PLPPR1: variants seen among roughly 807,000 people sequenced by gnomAD.
PLPPR1 encodes the protein phospholipid phosphatase-related protein type 1.
PLPPR1 carries 10 observed loss-of-function variants against 33.1 expected under a neutral mutation model. The observed-to-expected ratio is 0.30, with a 90% CI of 0.19 to 0.51. PLPPR1 has a LOEUF of 0.51. PLPPR1 is among the 20% of genes least tolerant of loss of function. The pLI is 0.97. For missense variants in PLPPR1, 304 were observed against 408.1 expected (o/e 0.74, Z 2.20); for synonymous variants, 151 against 151.0 (o/e 1.00, Z 0.00).
At chr9:101,258,637 C>T (rs1266391793) in intron 2 of PLPPR1, among the ~76,000 whole-genome samples, 2 of 152,128 alleles carry the variant, frequency 1.3e-5, no homozygotes, top group Non-Finnish European at 1.5e-5. Context: ...CATCCATGAC[C>T]TTCTATTCAC....
intron 2 of PLPPR1, among the ~76,000 whole-genome samples, chr9:101,258,542 T>A (rs779636428): frequency 2.6e-5 from 4 of 152,132 alleles, no homozygotes; most frequent in Non-Finnish European, 5.9e-5. Context: ...ACTATAAAAT[T>A]TTAGACCATA....
chr9:101,151,686 C>T (rs905393229), intron 1 of PLPPR1, among the ~76,000 whole-genome samples: 8 of 152,140 alleles, frequency 5.3e-5, no homozygotes, highest in East Asian at 1.9e-4. Flanking sequence ...GTAGCACTTG[C>T]GCTGCCACTT....
chr9:101,147,042 G>C (rs79246277), intron 1 of PLPPR1, among the ~76,000 whole-genome samples: 3 of 152,096 alleles, frequency 2.0e-5, no homozygotes, highest in Admixed American at 1.3e-4. Context: ...ACCTGATAAC[G>C]TTAAAACTAA....
chr9:101,069,424 G>A (rs1275759100), intron 1 of PLPPR1, among the ~76,000 whole-genome samples: 1 of 152,020 alleles, frequency 6.6e-6, no homozygotes, highest in Non-Finnish European at 1.5e-5. Flanking sequence ...TGTCTACAAT[G>A]GTAACGTTGT....
intron 3 of PLPPR1, among the ~76,000 whole-genome samples, chr9:101,273,995 G>A (rs1828143806): frequency 6.6e-6 from 1 of 152,120 alleles, no homozygotes. Flanking sequence ...TCTTCTCCAG[G>A]CTACAGCTTT....
intron 7 of PLPPR1, among the ~76,000 whole-genome samples, chr9:101,320,343 T>C (rs539537193): frequency 1.8e-4 from 28 of 152,320 alleles, no homozygotes; most frequent in African/African-American, 6.7e-4. Flanking sequence ...CTCCAAAGAC[T>C]TGGGACTTTT....
At chr9:101,150,984 T>TC (rs1831577819) in intron 1 of PLPPR1, among the ~76,000 whole-genome samples, 1 of 152,154 alleles carries the variant, frequency 6.6e-6, no homozygotes, top group East Asian at 1.9e-4. Context: ...TCTGCTGTAG[T>TC]TTATACTTGG....
chr9:101,291,489 A>G (rs1351174621), intron 4 of PLPPR1, among the ~76,000 whole-genome samples: 2 of 152,218 alleles, frequency 1.3e-5, no homozygotes, highest in Non-Finnish European at 2.9e-5. Flanking sequence ...CTGCCTCCTC[A>G]AGTGGGTCCC....
intron 1 of PLPPR1, among the ~76,000 whole-genome samples, chr9:101,180,555 A>G (rs1025210184): frequency 5.9e-5 from 9 of 151,900 alleles, no homozygotes; most frequent in African/African-American, 2.2e-4. Context: ...GACCAATAGA[A>G]CAGTATAGAC....
rs1477884700 is a variant in PLPPR1 at position 101,246,079 on chromosome 9, T to TAG, written c.64-23800_64-23799insGA. Among the ~76,000 whole-genome samples the TAG allele has an allele frequency of 4.6e-3, 481 of 103,468 alleles. 10 individuals carry two copies. The highest frequency in any genetic ancestry group is 0.013 in the African/African-American group (375 of 28,280). 67.9% of individuals were successfully genotyped at this position (103,468 alleles called of 152,430 possible). A position where few individuals can be genotyped will look rare whatever the true frequency, so the allele number is the denominator to read the frequency against. On this transcript the variant is annotated intron_variant, in intron 2 of 7. Coordinates refer to ENST00000374874, the MANE Select transcript of PLPPR1 (RefSeq NM_207299.2). ...GAATATATATATATATATATATATA[T>TAG]ATATATATATATATATATATATATA...
At chr9:101,089,096 T>G (rs1830712855) in intron 1 of PLPPR1, among the ~76,000 whole-genome samples, 1 of 152,176 alleles carries the variant, frequency 6.6e-6, no homozygotes, top group African/African-American at 2.4e-5. Context: ...TGGCGTATAA[T>G]AGTGGGTAAC....
chr9:101,165,134 A>G (rs764371253), intron 1 of PLPPR1, among the ~76,000 whole-genome samples: 4 of 152,180 alleles, frequency 2.6e-5, no homozygotes, highest in Non-Finnish European at 5.9e-5. Context: ...ATCAGGATTG[A>G]AAGATAACAC....
At chr9:101,302,757 ACAGAGGC>A (rs932696227) in intron 4 of PLPPR1, among the ~76,000 whole-genome samples, 4 of 152,134 alleles carry the variant, frequency 2.6e-5, no homozygotes, top group African/African-American at 9.7e-5. Context: ...TTCTACCAAA[ACAGAGGC>A]CAGAAGCTAA....
chr9:101,260,903 T>C (rs1318040713), intron 2 of PLPPR1, among the ~76,000 whole-genome samples: 2 of 152,140 alleles, frequency 1.3e-5, no homozygotes, highest in African/African-American at 4.8e-5. Context: ...AGCAACAATG[T>C]TTTCAGATAG....
At chr9:101,138,829 C>T (rs1474781407) in intron 1 of PLPPR1, among the ~76,000 whole-genome samples, 1 of 152,172 alleles carries the variant, frequency 6.6e-6, no homozygotes, top group Non-Finnish European at 1.5e-5. Context: ...AGTGGCAGAA[C>T]TAGGATTTGA....
chr9:101,111,255 C>T (rs1476381260), intron 1 of PLPPR1, among the ~76,000 whole-genome samples: 1 of 152,030 alleles, frequency 6.6e-6, no homozygotes, highest in East Asian at 1.9e-4. Flanking sequence ...CAATTCAAGT[C>T]GTTTTCAGAA....
chr9:101,108,562 GGCATAGACAAGA>G (rs1360261251), intron 1 of PLPPR1, among the ~76,000 whole-genome samples: 50 of 152,336 alleles, frequency 3.3e-4, no homozygotes, highest in African/African-American at 1.2e-3. Flanking sequence ...CAGAACAACA[GGCATAGACAAGA>G]ACTGTCCAGG....
chr9:101,243,087 A>T (rs1055450111), intron 2 of PLPPR1, among the ~76,000 whole-genome samples: 12 of 152,078 alleles, frequency 7.9e-5, no homozygotes, highest in African/African-American at 2.7e-4. Flanking sequence ...ATTAATAGGC[A>T]CAGAGGTATA....
Position 101,186,456 on chromosome 9 carries a change from T to G in PLPPR1, c.63+899T>G, listed in dbSNP as rs112642760. ...ATCCCAGGGGTGAGCTGTAGCATAT[T>G]CTTTCTTACGGCATCTTTTAGGCTG... On this transcript the variant is annotated intron_variant, in intron 2 of 7. Coordinates refer to ENST00000374874, the MANE Select transcript of PLPPR1 (RefSeq NM_207299.2). 2.8e-3 allele frequency among the ~76,000 whole-genome samples: 432 copies of G among 151,936 alleles called. 1 individual carries two copies. Among genetic ancestry groups the G allele is most frequent in the African/African-American group, 9.7e-3 (403 of 41,514 alleles).
Sources: allele counts gnomAD v4.1 joint callset (sites outside exome capture counted in the v4.1 genomes callset), GRCh38; gene constraint gnomAD v4.1.1; transcripts MANE v1.5; gene names NCBI Gene and HGNC (gene_info 2026-07-23, HGNC 2026-07-21).